Variants in ZNF804B observed in about 807,000 individuals in gnomAD.
The protein encoded by ZNF804B is zinc finger protein 804B.
A neutral mutation model predicts 101.4 loss-of-function variants in ZNF804B; 80 were observed. That is an observed-to-expected ratio of 0.79 (90% confidence interval 0.66 to 0.95). The LOEUF (loss-of-function observed/expected upper bound fraction) is 0.95. ZNF804B is among the 40% of genes least tolerant of loss of function. The pLI is 0.00. For missense variants in ZNF804B, 1,673 were observed against 1,561.9 expected, an observed-to-expected ratio of 1.07 and a Z score of -1.20; for synonymous variants, 622 against 558.8, an observed-to-expected ratio of 1.11 and a Z score of -1.59.
rs568636728 is a variant in ZNF804B, at chr7:89,130,137, G to A, written c.109-88018G>A. ...AGAAAATGAAACAGAAAAGACTACT[G>A]GAGTGGTTTTCCTGGCCACAGAGTG... On this transcript the variant is annotated intron_variant, in intron 1 of 3. Coordinates refer to ENST00000333190, the MANE Select transcript of ZNF804B (RefSeq NM_181646.5). Among the ~76,000 whole-genome samples, 12 of 152,006 alleles carry A rather than the reference G, an allele frequency of 7.9e-5. No homozygotes were observed. In the East Asian group the frequency reaches 2.3e-3, roughly 30 times the overall value.
chr7:89,216,023 GC>G (rs1788889553), intron 1 of ZNF804B, among the ~76,000 whole-genome samples: 1 of 152,098 alleles, frequency 6.6e-6, no homozygotes, highest in South Asian at 2.1e-4. Context: ...ATAAATACCG[GC>G]TGGGCGTAGT....
chr7:88,780,699 C>A (rs17164334), intron 1 of ZNF804B, among the ~76,000 whole-genome samples: 18,911 of 152,020 alleles, frequency 0.12, 1,210 homozygotes, highest in African/African-American at 0.16. Context: ...ATGGTAAAGA[C>A]TCTAATTGAC....
chr7:88,997,528 A>G (rs146086063), intron 1 of ZNF804B, among the ~76,000 whole-genome samples: 132 of 152,218 alleles, frequency 8.7e-4, no homozygotes, highest in Admixed American at 4.1e-3. Context: ...TCATAATGAT[A>G]CATTTAAGTG....
intron 2 of ZNF804B, among the ~76,000 whole-genome samples, chr7:89,287,459 G>A (rs953973825): frequency 1.4e-4 from 21 of 152,136 alleles, no homozygotes; most frequent in African/African-American, 3.9e-4. Context: ...AGGTTGTGGT[G>A]CCAAAAAATA....
At chr7:89,029,664 C>G (rs914193240) in intron 1 of ZNF804B, among the ~76,000 whole-genome samples, 1 of 152,068 alleles carries the variant, frequency 6.6e-6, no homozygotes, top group African/African-American at 2.4e-5. Context: ...ACTTCATCAG[C>G]GGGGTCATTA....
intron 1 of ZNF804B, among the ~76,000 whole-genome samples, chr7:89,129,462 C>T (rs1790515090): frequency 6.6e-6 from 1 of 151,984 alleles, no homozygotes; most frequent in Admixed American, 6.6e-5. Context: ...TAAATGTGCA[C>T]TTCCCAAGCA....
At chr7:88,944,528 G>A (rs1793099363) in intron 1 of ZNF804B, among the ~76,000 whole-genome samples, 1 of 151,488 alleles carries the variant, frequency 6.6e-6, no homozygotes, top group Non-Finnish European at 1.5e-5. Flanking sequence ...CATGGGTTCT[G>A]CATCTGGAGA....
At chr7:89,173,751 T>C (rs1791274891) in intron 1 of ZNF804B, among the ~76,000 whole-genome samples, 1 of 96,216 alleles carries the variant, frequency 1.0e-5, no homozygotes, top group African/African-American at 3.3e-5. Context: ...CATTTATCCA[T>C]CCATCCATCC....
At chr7:89,099,250 C>T (rs1010400592) in intron 1 of ZNF804B, among the ~76,000 whole-genome samples, 4 of 151,888 alleles carry the variant, frequency 2.6e-5, no homozygotes, top group African/African-American at 9.7e-5. Flanking sequence ...CAACTCACTA[C>T]TATATCATAA....
At chr7:89,020,432 G>A (rs1000886839) in intron 1 of ZNF804B, among the ~76,000 whole-genome samples, 2 of 152,052 alleles carry the variant, frequency 1.3e-5, no homozygotes, top group African/African-American at 2.4e-5. Context: ...AAATCTGTTA[G>A]TGTAATGGGG....
At position 89,337,766 on chromosome 7, in the gene ZNF804B, G is replaced by A. The variant is rs1791125762; in HGVS notation, c.*734G>A. Among the ~76,000 whole-genome samples the A allele has an allele frequency of 6.6e-6, 1 of 151,974 alleles. No individual in the cohort carries two copies. Among genetic ancestry groups the A allele is most frequent in the Non-Finnish European group, 1.5e-5 (1 of 67,950 alleles). On this transcript the variant is annotated 3_prime_UTR_variant, in exon 4 of 4. Transcript: ENST00000333190. Reference sequence around the variant, plus strand: ...TAAAAACATATACAAACTATCATTAGTATTTGATAATGCAAACTCAAAAAT... The same window carrying A: ...TAAAAACATATACAAACTATCATTAATATTTGATAATGCAAACTCAAAAAT...
chr7:89,252,477 A>G (rs1213928974), intron 2 of ZNF804B, among the ~76,000 whole-genome samples: 1 of 152,162 alleles, frequency 6.6e-6, no homozygotes, highest in Non-Finnish European at 1.5e-5. Flanking sequence ...AAGTTTGGAC[A>G]TTTCCCTAGA....
intron 2 of ZNF804B, among the ~76,000 whole-genome samples, chr7:89,240,620 T>C (rs1322757858): frequency 5.3e-5 from 8 of 152,166 alleles, no homozygotes; most frequent in Admixed American, 5.2e-4. Flanking sequence ...ATTTTCTGCT[T>C]ATATTCTTCA....
chr7:89,090,698 C>CA (rs1241566193), intron 1 of ZNF804B, among the ~76,000 whole-genome samples: 1 of 151,988 alleles, frequency 6.6e-6, no homozygotes, highest in Non-Finnish European at 1.5e-5. Context: ...ACCAGTAATA[C>CA]AAATACACAG....
chr7:88,833,972 A>C (rs2115789483), intron 1 of ZNF804B, among the ~76,000 whole-genome samples: 1 of 151,946 alleles, frequency 6.6e-6, no homozygotes, highest in African/African-American at 2.4e-5. Context: ...AAAAAAGAAA[A>C]AACAATTACA....
intron 3 of ZNF804B, among the ~76,000 whole-genome samples, chr7:89,331,067 G>T (rs974647724): frequency 1.1e-4 from 17 of 151,394 alleles, no homozygotes; most frequent in Non-Finnish European, 8.9e-5. Context: ...ATTGGGAAAG[G>T]AAGAACAATA....
chr7:89,181,501 G>A (rs929913940), intron 1 of ZNF804B, among the ~76,000 whole-genome samples: 3 of 152,000 alleles, frequency 2.0e-5, no homozygotes, highest in South Asian at 2.1e-4. Context: ...AATGTCCCAC[G>A]GTCCCTGCAG....
chr7:89,176,591 C>CTTTTTTTTTTTTTTTTTTTTTTTTTTTT (rs35866405), intron 1 of ZNF804B, among the ~76,000 whole-genome samples: 2 of 71,940 alleles, frequency 2.8e-5, no homozygotes, highest in Admixed American at 1.7e-4. Context: ...TTCTTTCTTT[C>CTTTTTTTTTTTTTTTTTTTTTTTTTTTT]TTTTTTTTTT....
intron 2 of ZNF804B, among the ~76,000 whole-genome samples, chr7:89,278,495 C>A (rs1208862): frequency 0.4 from 58,819 of 148,260 alleles, 12,058 homozygotes; most frequent in African/African-American, 0.45. Flanking sequence ...TCTAACGTTT[C>A]AGTCTTTAAT....
Sources: gnomAD v4.1 joint callset for allele counts (sites outside exome capture counted in the v4.1 genomes callset) on GRCh38, gnomAD v4.1.1 for gene constraint, MANE v1.5 for transcripts, NCBI Gene and HGNC (gene_info 2026-07-23, HGNC 2026-07-21) for gene names.